The following GRIK1 variants were observed in gnomAD, a reference collection of about 807,000 sequenced individuals.
The protein encoded by GRIK1 is glutamate receptor ionotropic, kainate 1.
GRIK1 carries 69 observed loss-of-function variants against 105.7 expected under a neutral mutation model. That is an observed-to-expected ratio of 0.65 (90% CI 0.54 to 0.80). The LOEUF (loss-of-function observed/expected upper bound fraction) is 0.80. Among genes scored for constraint, GRIK1 ranks in the 30% least tolerant of loss-of-function variants. GRIK1 has a pLI of 0.00. For synonymous variants in GRIK1, 438 were observed against 431.3 expected, an observed-to-expected ratio of 1.02 and a Z score of -0.19; for missense variants, 1,109 against 1,167.3, an observed-to-expected ratio of 0.95 and a Z score of 0.73.
chr21:29,918,148 G>T (rs1379761751), intron 1 of GRIK1, among the ~76,000 whole-genome samples: 2 of 151,868 alleles, frequency 1.3e-5, no homozygotes, highest in African/African-American at 2.4e-5. Context: ...ACTCAAAAAT[G>T]GGCATAATGT....
intron 1 of GRIK1, among the ~76,000 whole-genome samples, chr21:29,736,211 A>T (rs1170848783): frequency 7.4e-5 from 1 of 13,476 alleles, no homozygotes; most frequent in Admixed American, 9.7e-4. Flanking sequence ...TGTTATTATG[A>T]TTATGATTAT....
intron 3 of GRIK1, among the ~76,000 whole-genome samples, chr21:29,685,143 T>G (rs2063465061): frequency 1.3e-5 from 2 of 152,222 alleles, no homozygotes; most frequent in Non-Finnish European, 2.9e-5. Context: ...TTTCTTCATT[T>G]TAACATTTTC....
At chr21:29,912,481 A>T (rs372114540) in intron 1 of GRIK1, among the ~76,000 whole-genome samples, 10 of 152,064 alleles carry the variant, frequency 6.6e-5, no homozygotes, top group African/African-American at 2.4e-4. Context: ...CTAACCAAAA[A>T]TCGGCCAGAA....
At chr21:29,564,150 TTTA>T (rs2090552916) in intron 14 of GRIK1, among the ~76,000 whole-genome samples, 1 of 152,180 alleles carries the variant, frequency 6.6e-6, no homozygotes. Flanking sequence ...CATTTATTTA[TTTA>T]TTTATTTTTT....
chr21:29,660,183 G>C (rs887445062), intron 4 of GRIK1, among the ~76,000 whole-genome samples: 1 of 152,110 alleles, frequency 6.6e-6, no homozygotes, highest in Non-Finnish European at 1.5e-5. Flanking sequence ...CAGTAGTATT[G>C]ACCTTCTTAG....
chr21:29,882,043 G>A (rs2069431562), intron 1 of GRIK1, among the ~76,000 whole-genome samples: 1 of 152,004 alleles, frequency 6.6e-6, no homozygotes, highest in South Asian at 2.1e-4. Flanking sequence ...TTGGGGTAAA[G>A]GTATCTGAGG....
intron 6 of GRIK1, among the ~76,000 whole-genome samples, chr21:29,649,609 C>G (rs1398593344): frequency 2.0e-5 from 3 of 152,270 alleles, no homozygotes; most frequent in African/African-American, 7.2e-5. Flanking sequence ...ACATGAATTG[C>G]GTAGGTCTGT....
intron 1 of GRIK1, among the ~76,000 whole-genome samples, chr21:29,895,685 T>A (rs2146239209): frequency 6.6e-6 from 1 of 152,312 alleles, no homozygotes; most frequent in South Asian, 2.1e-4. Flanking sequence ...TGTATTCAGG[T>A]CTTCATATTG....
chr21:29,828,011 CTGTGTG>C (rs138594747), intron 1 of GRIK1, among the ~76,000 whole-genome samples: 36 of 76,502 alleles, frequency 4.7e-4, no homozygotes, highest in East Asian at 1.7e-3. Context: ...CTGTCTCTCT[CTGTGTG>C]TGTGTGTGTG....
At chr21:29,593,083 GA>G (rs1306605226) in intron 9 of GRIK1, among the ~76,000 whole-genome samples, 2 of 152,158 alleles carry the variant, frequency 1.3e-5, no homozygotes, top group Non-Finnish European at 2.9e-5. Flanking sequence ...TCAATGCTTT[GA>G]AAAAGTTTCA....
intron 1 of GRIK1, among the ~76,000 whole-genome samples, chr21:29,860,302 T>A (rs1284358927): frequency 1.3e-5 from 2 of 152,248 alleles, no homozygotes; most frequent in African/African-American, 2.4e-5. Context: ...CTGCTGTTAC[T>A]GCCAACCTGG....
chr21:29,752,825 G>A (rs2065239650), intron 1 of GRIK1, among the ~76,000 whole-genome samples: 1 of 152,198 alleles, frequency 6.6e-6, no homozygotes, highest in Non-Finnish European at 1.5e-5. Flanking sequence ...ATGACAGAGT[G>A]AGGCCCTGCC....
chr21:29,539,443 AAC>A (rs1375169241), intron 16 of GRIK1, among the ~76,000 whole-genome samples: 6 of 152,186 alleles, frequency 3.9e-5, no homozygotes, highest in African/African-American at 1.4e-4. Flanking sequence ...CTGAAAGTAA[AAC>A]ACAGAATGGT....
intron 1 of GRIK1, among the ~76,000 whole-genome samples, chr21:29,834,040 G>A (rs1401742621): frequency 6.6e-6 from 1 of 151,986 alleles, no homozygotes; most frequent in Admixed American, 6.6e-5. Flanking sequence ...GCATTACAAA[G>A]GGTTTATTGC....
intron 7 of GRIK1, chr21:29,630,771 T>TTTTTGTTTTG (rs201600356): frequency 2.8e-6 from 1 of 353,314 alleles, no homozygotes; most frequent in Non-Finnish European, 5.5e-6. Flanking sequence ...TGTGTGTGTG[T>TTTTTGTTTTG]TTTTGTTTTG....
intron 1 of GRIK1, among the ~76,000 whole-genome samples, chr21:29,831,253 T>C (rs144104761): frequency 6.6e-6 from 1 of 152,314 alleles, no homozygotes; most frequent in East Asian, 1.9e-4. Flanking sequence ...GGTTGGGCTC[T>C]TCTTTACTTC....
chr21:29,696,577 T>C (rs1029476688), intron 1 of GRIK1, among the ~76,000 whole-genome samples: 11 of 152,242 alleles, frequency 7.2e-5, no homozygotes, highest in African/African-American at 2.4e-4. Context: ...ACTGCCACCA[T>C]CTAGGTGACC....
At chr21:29,780,424 G>T (rs1172072231) in intron 1 of GRIK1, among the ~76,000 whole-genome samples, 1 of 152,148 alleles carries the variant, frequency 6.6e-6, no homozygotes, top group Non-Finnish European at 1.5e-5. Context: ...AGACAGTTTA[G>T]GAAGGCATAT....
chr21:29,775,536 C>T (rs2065921086), intron 1 of GRIK1, among the ~76,000 whole-genome samples: 1 of 152,114 alleles, frequency 6.6e-6, no homozygotes, highest in Non-Finnish European at 1.5e-5. Flanking sequence ...GCTCACCTTG[C>T]TGGTGGTATT....
Sources: gnomAD v4.1 joint callset for allele counts (sites outside exome capture counted in the v4.1 genomes callset) on GRCh38, gnomAD v4.1.1 for gene constraint, MANE v1.5 for transcripts, NCBI Gene and HGNC (gene_info 2026-07-23, HGNC 2026-07-21) for gene names.